Variants in MBD5 observed in about 807,000 individuals in gnomAD.
The protein encoded by MBD5 is methyl-CpG binding domain protein 5.
Under a neutral mutation model 117.3 loss-of-function variants are expected in MBD5, and 13 were observed. That is an observed-to-expected ratio of 0.11 (90% confidence interval 0.07 to 0.18). MBD5 has a LOEUF of 0.18. MBD5 is among the 10% of genes least tolerant of loss of function. The probability of loss-of-function intolerance (pLI) is 1.00; values close to 1 mark genes in which losing one functional copy is unlikely to be tolerated. For missense variants in MBD5, 1,879 were observed against 2,093.8 expected (o/e 0.90, Z 2.00); for synonymous variants, 727 against 766.4 (o/e 0.95, Z 0.85).
chr2:148,456,160 C>T (rs969651476), intron 4 of MBD5, among the ~76,000 whole-genome samples: 2 of 152,134 alleles, frequency 1.3e-5, no homozygotes, highest in South Asian at 4.1e-4. Context: ...GCTGCTATAA[C>T]CAAACACTGT....
intron 1 of MBD5, among the ~76,000 whole-genome samples, chr2:148,023,278 A>G (rs758820045): frequency 2.3e-4 from 35 of 152,276 alleles, no homozygotes; most frequent in Non-Finnish European, 4.7e-4. Flanking sequence ...AAGACATGAT[A>G]ATACTTCTAA....
chr2:148,497,776 A>G (rs1353002046), intron 11 of MBD5, among the ~76,000 whole-genome samples: 2 of 148,234 alleles, frequency 1.3e-5, no homozygotes, highest in East Asian at 3.9e-4. Flanking sequence ...CAGAGTGGAG[A>G]CCTTGTCTCT....
chr2:148,142,595 A>T (rs2105549620), intron 1 of MBD5, among the ~76,000 whole-genome samples: 1 of 152,292 alleles, frequency 6.6e-6, no homozygotes, highest in African/African-American at 2.4e-5. Flanking sequence ...TCAGTGAGAT[A>T]AACAAGTAAA....
chr2:148,304,537 T>C (rs1334858456), intron 3 of MBD5, among the ~76,000 whole-genome samples: 1 of 152,230 alleles, frequency 6.6e-6, no homozygotes, highest in Admixed American at 6.5e-5. Flanking sequence ...GCTACTATTC[T>C]GGACTACGTT....
chr2:148,178,603 A>G (rs1039778344), intron 1 of MBD5, 97 bp from the exon 2 acceptor site: 6 of 387,504 alleles, frequency 1.5e-5, no homozygotes, highest in Non-Finnish European at 2.7e-5. Context: ...TATTATATAA[A>G]GTCATGAAGA....
intron 3 of MBD5, among the ~76,000 whole-genome samples, chr2:148,308,487 CTTTCTTTTTTTTTT>C (rs1701949006): frequency 7.2e-5 from 2 of 27,698 alleles, no homozygotes; most frequent in East Asian, 2.4e-3. Flanking sequence ...TGATGGGGTT[CTTTCTTTTTTTTTT>C]TTTTTTTTTT....
intron 4 of MBD5, among the ~76,000 whole-genome samples, chr2:148,437,198 G>A (rs1706179917): frequency 1.3e-5 from 2 of 151,662 alleles, no homozygotes; most frequent in African/African-American, 4.8e-5. Context: ...AGCCAGGATG[G>A]TCTCGATCTC....
chr2:148,104,186 C>T (rs1442414538), intron 1 of MBD5, among the ~76,000 whole-genome samples: 1 of 152,108 alleles, frequency 6.6e-6, no homozygotes, highest in African/African-American at 2.4e-5. Flanking sequence ...TTTATTCTCT[C>T]CCCCTCACTG....
chr2:148,270,612 C>A (rs192963784), intron 3 of MBD5, among the ~76,000 whole-genome samples: 1 of 152,226 alleles, frequency 6.6e-6, no homozygotes, highest in Non-Finnish European at 1.5e-5. Flanking sequence ...TGGTCTCAAA[C>A]TCCTGACCTC....
rs1309861440 is a variant in MBD5 at position 148,097,393 on chromosome 2, T to G, written c.-925+75709T>G. Among the ~76,000 whole-genome samples the G allele has an allele frequency of 2.0e-5, 3 of 152,206 alleles. No homozygotes were observed. The East Asian group carries it at 5.8e-4, about 29-fold the overall frequency. Reference sequence around the variant, plus strand: ...TTGTAGTCTTATTAGGGAAGACAGGTAGCAACGAGTGTGCTAAGTAATAAA... The same window carrying G: ...TTGTAGTCTTATTAGGGAAGACAGGGAGCAACGAGTGTGCTAAGTAATAAA... On this transcript the variant is annotated intron_variant, in intron 1 of 13. Coordinates refer to ENST00000642680, the MANE Select transcript of MBD5 (RefSeq NM_001378120.1).
At chr2:148,485,602 C>T in intron 9 of MBD5, 140 bp from the exon 10 acceptor site, 1 of 684,186 alleles carries the variant, frequency 1.5e-6, no homozygotes, top group Non-Finnish European at 2.6e-6. Context: ...CTTAGTAAGA[C>T]TTTGAGAAGT....
intron 1 of MBD5, among the ~76,000 whole-genome samples, chr2:148,151,237 A>G (rs1697653658): frequency 6.6e-6 from 1 of 151,932 alleles, no homozygotes; most frequent in South Asian, 2.1e-4. Flanking sequence ...TATGTGCTGG[A>G]TTACATTTAT....
intron 1 of MBD5, among the ~76,000 whole-genome samples, chr2:148,170,002 A>G (rs916134645): frequency 2.0e-5 from 3 of 150,764 alleles, no homozygotes; most frequent in Admixed American, 2.0e-4. Context: ...GGTTCACGCC[A>G]TTCTCCCGCC....
At chr2:148,499,759 A>G (rs943700341) in intron 11 of MBD5, among the ~76,000 whole-genome samples, 1 of 152,146 alleles carries the variant, frequency 6.6e-6, no homozygotes, top group Non-Finnish European at 1.5e-5. Flanking sequence ...CATGATTTCT[A>G]TTTAACTAGA....
intron 1 of MBD5, among the ~76,000 whole-genome samples, chr2:148,155,040 C>T (rs1159471992): frequency 2.0e-5 from 3 of 152,142 alleles, no homozygotes; most frequent in Admixed American, 2.0e-4. Context: ...CAAATATTTA[C>T]CTCTCCAGAA....
At chr2:148,408,895 G>T (rs55942348) in intron 4 of MBD5, among the ~76,000 whole-genome samples, 1 of 151,710 alleles carries the variant, frequency 6.6e-6, no homozygotes, top group African/African-American at 2.4e-5. Flanking sequence ...CATTTACATC[G>T]TATTAGATAT....
intron 1 of MBD5, among the ~76,000 whole-genome samples, chr2:148,124,091 C>T (rs1346054938): frequency 6.6e-6 from 1 of 152,008 alleles, no homozygotes; most frequent in Non-Finnish European, 1.5e-5. Context: ...TCAGCCTGGC[C>T]AACATGGCAA....
intron 2 of MBD5, among the ~76,000 whole-genome samples, chr2:148,207,108 G>GT (rs1369653420): frequency 1.3e-5 from 2 of 152,166 alleles, no homozygotes; most frequent in Non-Finnish European, 2.9e-5. Context: ...GTGAAATTTG[G>GT]TATGAAGGAT....
At chr2:148,452,942 AT>A (rs1231868878) in intron 4 of MBD5, among the ~76,000 whole-genome samples, 1 of 152,176 alleles carries the variant, frequency 6.6e-6, no homozygotes, top group Admixed American at 6.6e-5. Flanking sequence ...TGTTGCTAAA[AT>A]TTTATAAGCC....
Sources: allele counts gnomAD v4.1 joint callset (sites outside exome capture counted in the v4.1 genomes callset), GRCh38; gene constraint gnomAD v4.1.1; transcripts MANE v1.5; gene names NCBI Gene and HGNC (gene_info 2026-07-23, HGNC 2026-07-21).